The following HPSE2 variants were observed in gnomAD, a reference collection of about 807,000 sequenced individuals.
HPSE2 encodes the protein inactive heparanase-2.
Under a neutral mutation model 60.5 loss-of-function variants are expected in HPSE2, and 38 were observed. The ratio of observed to expected loss-of-function variants is 0.63; its 90% confidence interval spans 0.48 to 0.82. The LOEUF (loss-of-function observed/expected upper bound fraction) is 0.82, where lower values mean the gene tolerates loss of function less well. HPSE2 is among the 40% of genes least tolerant of loss of function. HPSE2 has a pLI of 0.00. For missense variants in HPSE2, 713 were observed against 740.4 expected, an observed-to-expected ratio of 0.96 and a Z score of 0.43; for synonymous variants, 295 against 293.2, an observed-to-expected ratio of 1.01 and a Z score of -0.06.
At chr10:99,181,966 A>G (rs982895375) in intron 2 of HPSE2, among the ~76,000 whole-genome samples, 3 of 152,224 alleles carry the variant, frequency 2.0e-5, no homozygotes, top group Admixed American at 6.5e-5. Flanking sequence ...TAAGACCACA[A>G]TGAAAAGGCA....
At chr10:99,276,051 T>C in the HPSE2 span, among the ~76,000 whole-genome samples, 130,280 of 152,222 alleles carry the variant, frequency 0.86, 56,113 homozygotes, top group African/African-American at 0.92. Flanking sequence ...ATAATGGTAG[T>C]ATATATACCC....
At chr10:98,520,252 T>G (rs1422952819) in intron 9 of HPSE2, among the ~76,000 whole-genome samples, 2 of 152,120 alleles carry the variant, frequency 1.3e-5, no homozygotes, top group African/African-American at 2.4e-5. Flanking sequence ...TGGGGACATG[T>G]TTTCTATGCT....
chr10:98,760,495 A>G (rs1290515849), intron 3 of HPSE2, among the ~76,000 whole-genome samples: 1 of 151,926 alleles, frequency 6.6e-6, no homozygotes. Context: ...ATTTGTTTAG[A>G]GTTTTATCAT....
intron 3 of HPSE2, among the ~76,000 whole-genome samples, chr10:98,821,674 G>C (rs755435243): frequency 1.5e-4 from 23 of 152,256 alleles, no homozygotes; most frequent in South Asian, 4.1e-4. Context: ...CGTGATTTTG[G>C]TGTGCTTTGG....
At chr10:98,573,250 T>A (rs1944549014) in intron 9 of HPSE2, among the ~76,000 whole-genome samples, 1 of 152,250 alleles carries the variant, frequency 6.6e-6, no homozygotes, top group Admixed American at 6.5e-5. Flanking sequence ...CAGCATTTAC[T>A]ATTAGAACTC....
At chr10:98,552,608 A>G (rs1943894839) in intron 9 of HPSE2, among the ~76,000 whole-genome samples, 1 of 152,178 alleles carries the variant, frequency 6.6e-6, no homozygotes, top group Non-Finnish European at 1.5e-5. Flanking sequence ...ATTTCAACCT[A>G]TCAAAATTCT....
At chr10:98,893,365 G>A (rs1455138888) in intron 3 of HPSE2, among the ~76,000 whole-genome samples, 2 of 152,108 alleles carry the variant, frequency 1.3e-5, no homozygotes, top group Non-Finnish European at 2.9e-5. Context: ...ACCATGCCTA[G>A]CCATCACTTT....
intron 2 of HPSE2, among the ~76,000 whole-genome samples, chr10:99,198,342 T>G (rs1848469540): frequency 6.6e-6 from 1 of 152,228 alleles, no homozygotes; most frequent in Admixed American, 6.5e-5. Context: ...ACACAGTTAA[T>G]GTTCAAAAAT....
intron 3 of HPSE2, among the ~76,000 whole-genome samples, chr10:99,019,997 C>T (rs915907839): frequency 1.6e-4 from 24 of 152,176 alleles, no homozygotes; most frequent in Non-Finnish European, 3.1e-4. Context: ...CAGGTGTGAG[C>T]CACCGCACCG....
chr10:99,007,942 C>T (rs921805239), intron 3 of HPSE2, among the ~76,000 whole-genome samples: 2 of 152,208 alleles, frequency 1.3e-5, no homozygotes, highest in African/African-American at 4.8e-5. Flanking sequence ...GCCACCCTCT[C>T]CCCATGCCCT....
the HPSE2 span, among the ~76,000 whole-genome samples, chr10:99,307,834 A>G: frequency 1.8e-3 from 214 of 118,298 alleles, no homozygotes; most frequent in Middle Eastern, 7.7e-3. Flanking sequence ...GTAAATGCGC[A>G]CACACACACA....
intron 9 of HPSE2, among the ~76,000 whole-genome samples, chr10:98,590,378 C>T (rs1219714278): frequency 1.3e-5 from 2 of 152,202 alleles, no homozygotes; most frequent in African/African-American, 4.8e-5. Flanking sequence ...GGAGGCGGAG[C>T]TTGCACCGGA....
intron 3 of HPSE2, among the ~76,000 whole-genome samples, chr10:98,906,504 G>T (rs542431652): frequency 6.6e-6 from 1 of 152,240 alleles, no homozygotes; most frequent in Admixed American, 6.5e-5. Flanking sequence ...AAGGTTAAAG[G>T]AATTTGAAAT....
chr10:99,061,836 T>C (rs995657216), intron 3 of HPSE2, among the ~76,000 whole-genome samples: 3 of 152,212 alleles, frequency 2.0e-5, no homozygotes, highest in Non-Finnish European at 4.4e-5. Context: ...TAAAGTACTT[T>C]TGCTAATAAA....
In HPSE2 at chr10:98,547,347, C is replaced by T. The variant is rs1943716993; in HGVS notation, c.1321-57151G>A. ...TATAAATCATGCTGCTATAAAGACA[C>T]ATGCACACGTATGTTTATGGCGCCA... On this transcript the variant is annotated intron_variant, in intron 9 of 11. Coordinates refer to ENST00000370552, the MANE Select transcript of HPSE2 (RefSeq NM_021828.5). Among the ~76,000 whole-genome samples the T allele has an allele frequency of 2.0e-5, 3 of 148,530 alleles. No homozygotes were observed. The South Asian group carries it at 6.5e-4, about 32-fold the overall frequency.
intron 3 of HPSE2, 36 bp downstream of exon 3, chr10:99,144,202 A>C: frequency 6.2e-7 from 1 of 1,608,556 alleles, no homozygotes; most frequent in African/African-American, 1.3e-5. Context: ...TACTAACTGA[A>C]TGCTCTAAGA....
intron 9 of HPSE2, among the ~76,000 whole-genome samples, chr10:98,584,934 G>T (rs996439891): frequency 6.6e-6 from 1 of 152,176 alleles, no homozygotes; most frequent in Admixed American, 6.5e-5. Context: ...AGTAGTAAAA[G>T]GCTCCTGTAG....
chr10:98,573,942 C>T (rs959042892), intron 9 of HPSE2, among the ~76,000 whole-genome samples: 4 of 152,052 alleles, frequency 2.6e-5, no homozygotes, highest in African/African-American at 9.7e-5. Context: ...AATTCAATGG[C>T]TTTTAGTATA....
intron 9 of HPSE2, among the ~76,000 whole-genome samples, chr10:98,564,286 T>C (rs1413020270): frequency 6.6e-6 from 1 of 152,230 alleles, no homozygotes; most frequent in Non-Finnish European, 1.5e-5. Context: ...TCTTTGCCAT[T>C]AACTTGAGCA....
Sources: gnomAD v4.1 joint callset for allele counts (sites outside exome capture counted in the v4.1 genomes callset) on GRCh38, gnomAD v4.1.1 for gene constraint, MANE v1.5 for transcripts, NCBI Gene and HGNC (gene_info 2026-07-23, HGNC 2026-07-21) for gene names.